SPG21: variants seen among roughly 807,000 people sequenced by gnomAD.
SPG21 encodes the protein maspardin.
A neutral mutation model predicts 38.9 loss-of-function variants in SPG21; 26 were observed. The observed-to-expected ratio is 0.67, with a 90% CI of 0.49 to 0.93. The LOEUF (loss-of-function observed/expected upper bound fraction) is 0.93. SPG21 is among the 40% of genes least tolerant of loss of function. SPG21 has a pLI of 0.00. For missense variants in SPG21, 333 were observed against 376.5 expected (o/e 0.88, Z 0.96); for synonymous variants, 136 against 128.9 (o/e 1.05, Z -0.37).
chr15:64,988,025 A>G (rs368989263), intron 1 of SPG21, among the ~76,000 whole-genome samples: 10 of 150,918 alleles, frequency 6.6e-5, no homozygotes, highest in Admixed American at 5.3e-4. Context: ...CGAGAGCGAA[A>G]CTCCATCTCA....
chr15:64,966,933 A>G (rs937625126), intron 7 of SPG21, among the ~76,000 whole-genome samples: 3 of 151,652 alleles, frequency 2.0e-5, no homozygotes, highest in African/African-American at 7.3e-5. Flanking sequence ...ACAAAAAACC[A>G]TATTATTTGA....
intron 7 of SPG21, among the ~76,000 whole-genome samples, chr15:64,968,075 G>C (rs1351523786): frequency 6.6e-6 from 1 of 152,136 alleles, no homozygotes; most frequent in Admixed American, 6.6e-5. Flanking sequence ...AATAGGCTGG[G>C]CGTGGTGGCT....
chr15:64,976,669 C>G, intron 3 of SPG21, 114 bp from the exon 4 acceptor site: 2 of 729,004 alleles, frequency 2.7e-6, no homozygotes, highest in South Asian at 1.7e-5. Flanking sequence ...TCAAGCGCTG[C>G]TCCTTATTCA....
At chr15:64,975,387 G>A (rs1019771224) in intron 4 of SPG21, among the ~76,000 whole-genome samples, 6 of 151,578 alleles carry the variant, frequency 4.0e-5, no homozygotes, top group Non-Finnish European at 8.8e-5. Flanking sequence ...AATTAGCCAG[G>A]CATGGTGGTA....
chr15:64,989,113 A>G (rs551883277), intron 1 of SPG21: 17 of 152,300 alleles, frequency 1.1e-4, no homozygotes, highest in African/African-American at 3.6e-4. Context: ...GAAAACGAGA[A>G]GAGGAAAAAT....
chr15:64,963,746 T>C lies in SPG21; in HGVS notation c.811-10A>G. 2 of 1,608,342 alleles carry C rather than the reference T, an allele frequency of 1.2e-6. No homozygotes were observed. Among genetic ancestry groups the C allele is most frequent in the Non-Finnish European group, 1.7e-6 (2 of 1,174,912 alleles). ...ATTGCAGCAAATGTATCTGTTGAAA[T>C]GCAGAATCATTATTTTATTTATTTT... On this transcript the variant is annotated splice_polypyrimidine_tract_variant and intron_variant, in intron 8 of 8. Coordinates refer to ENST00000204566, the MANE Select transcript of SPG21 (RefSeq NM_016630.7).
chr15:64,965,428 A>G lies in SPG21; in HGVS notation c.702T>C (p.Ala234=), dbSNP rs150599058. Residue 234 remains alanine, a synonymous_variant, in exon 8 of 9, where the codon GCT becomes GCC. Transcript: ENST00000204566. ...GATACAGCTTGTACATTTCTTCTTT[A>G]GCTTCAGTTGAAAGCGCACTCTGAT... ...VFDQSALSTE[A]KEEMYKLYPN... 4 of 1,614,088 alleles carry G rather than the reference A, an allele frequency of 2.5e-6. No individual in the cohort carries two copies. Among genetic ancestry groups the G allele is most frequent in the Non-Finnish European group, 3.4e-6 (4 of 1,180,044 alleles).
At chr15:64,985,134 C>G (rs1241760278) in intron 1 of SPG21, among the ~76,000 whole-genome samples, 4 of 152,206 alleles carry the variant, frequency 2.6e-5, no homozygotes, top group African/African-American at 2.4e-5. Flanking sequence ...TCAGAAAGAT[C>G]TATAATGTAA....
chr15:64,983,730 T>C, intron 1 of SPG21, 137 bp from the exon 2 acceptor site: 1 of 611,096 alleles, frequency 1.6e-6, no homozygotes, highest in South Asian at 1.9e-5. Context: ...CAGTATATAG[T>C]CCAACTACAG....
At chr15:64,981,227 T>A in intron 2 of SPG21, 1 of 583,242 alleles carries the variant, frequency 1.7e-6, no homozygotes, top group Non-Finnish European at 3.0e-6. Context: ...TCCACAGAAC[T>A]ACTTAGAACT....
Position 64,978,572 on chromosome 15 carries a change from T to A in SPG21, c.226-2017A>T, listed in dbSNP as rs1463541940. Among the ~76,000 whole-genome samples the A allele has an allele frequency of 3.3e-5, 5 of 152,226 alleles. 1 individual carries two copies. Among genetic ancestry groups the A allele is most frequent in the Admixed American group, 3.3e-4 (5 of 15,284 alleles). Reference sequence around the variant, plus strand: ...GGAATGGATACTGCCATATGAATTATGGAATCATTTTAGATTTGATGTATG... The same window carrying A: ...GGAATGGATACTGCCATATGAATTAAGGAATCATTTTAGATTTGATGTATG... On this transcript the variant is annotated intron_variant, in intron 3 of 8. Coordinates refer to ENST00000204566, the MANE Select transcript of SPG21 (RefSeq NM_016630.7).
chr15:64,983,398 A>T, intron 2 of SPG21, 109 bp downstream of exon 2: 1 of 776,962 alleles, frequency 1.3e-6, no homozygotes, highest in East Asian at 2.7e-5. Context: ...CAGTCATGAT[A>T]CTCGGCAGTA....
rs945965641 is a variant in SPG21 at position 64,968,125 on chromosome 15, A to G, written c.669+1130T>C. Among the ~76,000 whole-genome samples, 7 of 152,162 alleles carry G rather than the reference A, an allele frequency of 4.6e-5. 1 individual carries two copies. Among genetic ancestry groups the G allele is most frequent in the Admixed American group, 1.3e-4 (2 of 15,262 alleles). On this transcript the variant is annotated intron_variant, in intron 7 of 8. Transcript: ENST00000204566. The stretch of plus-strand genomic sequence containing the variant: ...CACTTTGGGAGGCCCAGGCAGGCAG[A>G]CAGCTTGAGTCCCAGAGTTTGAGTC...
At position 64,963,535 on chromosome 15, in the gene SPG21, A is replaced by T; in HGVS notation, c.*85T>A. On this transcript the variant is annotated 3_prime_UTR_variant, in exon 9 of 9. Coordinates refer to ENST00000204566, the MANE Select transcript of SPG21 (RefSeq NM_016630.7). The stretch of plus-strand genomic sequence containing the variant: ...GAACCGGTGAGCCTGACGAACCTGA[A>T]GGAAAAGGCTGGCTGACGGGTGCTG... 2.6e-6 allele frequency: 3 copies of T among 1,161,132 alleles called. No individual in the cohort carries two copies. The South Asian group carries it at 3.7e-5, about 14-fold the overall frequency. 71.9% of individuals were successfully genotyped at this position (1,161,132 alleles called of 1,614,324 possible). A position where few individuals can be genotyped will look rare whatever the true frequency, so the allele number is the denominator to read the frequency against.
chr15:64,983,633 T>C, intron 1 of SPG21, 40 bp from the exon 2 acceptor site: 3 of 1,237,316 alleles, frequency 2.4e-6, no homozygotes, highest in South Asian at 1.3e-5. Context: ...CAAGAATTCA[T>C]GTTTACATCA....
intron 5 of SPG21, among the ~76,000 whole-genome samples, chr15:64,972,381 C>T (rs1301699389): frequency 6.6e-6 from 1 of 152,200 alleles, no homozygotes; most frequent in Non-Finnish European, 1.5e-5. Context: ...TGAATGGGGG[C>T]TGTCTTGGCA....
chr15:64,976,620 G>A, intron 3 of SPG21, 65 bp from the exon 4 acceptor site: 1 of 1,270,076 alleles, frequency 7.9e-7, no homozygotes. Context: ...TCACGTATTT[G>A]AAAAACTTAG....
intron 5 of SPG21, among the ~76,000 whole-genome samples, chr15:64,971,181 C>T (rs2085653473): frequency 6.6e-6 from 1 of 152,190 alleles, no homozygotes; most frequent in Non-Finnish European, 1.5e-5. Flanking sequence ...CCTTGGCCTC[C>T]CGAGTAGCTG....
intron 4 of SPG21, among the ~76,000 whole-genome samples, chr15:64,975,238 AGAT>A (rs2085751311): frequency 2.7e-5 from 4 of 150,592 alleles, no homozygotes; most frequent in African/African-American, 9.8e-5. Context: ...CAGTGAGCCA[AGAT>A]CGCACCACTG....
Sources: allele counts gnomAD v4.1 joint callset (sites outside exome capture counted in the v4.1 genomes callset), GRCh38; gene constraint gnomAD v4.1.1; transcripts MANE v1.5; gene names NCBI Gene and HGNC (gene_info 2026-07-23, HGNC 2026-07-21).